NACAD: variants seen among roughly 807,000 people sequenced by gnomAD.
The protein encoded by NACAD is NAC-alpha domain-containing protein 1.
Under a neutral mutation model 98.9 loss-of-function variants are expected in NACAD, and 47 were observed. The observed-to-expected ratio is 0.48, with a 90% CI of 0.38 to 0.61. NACAD has a LOEUF of 0.61. NACAD is among the 20% of genes least tolerant of loss of function. NACAD has a pLI of 0.00. For missense variants in NACAD, 1,412 were observed against 1,748.2 expected (o/e 0.81, Z 3.43); for synonymous variants, 696 against 767.2 (o/e 0.91, Z 1.53).
At position 45,082,257 on chromosome 7, in the gene NACAD, G is replaced by A. The variant is rs1215803158; in HGVS notation, c.3923C>T (p.Pro1308Leu). 1 of 1,550,420 alleles carries A rather than the reference G, an allele frequency of 6.4e-7. No individual in the cohort carries two copies. The stretch of plus-strand genomic sequence containing the variant: ...TTTGGCATCCATGGAGGCCACCTTG[G>A]GGCTGAGGAGTGGGGAGTGAGGCGA... ...SLSPHSPLLS[P>L]KVASMDAKDL... Residue 1308 changes from proline (P) to leucine (L), a missense_variant, in exon 2 of 8, where the codon CCC becomes CTC. Pro to Leu is a moderately conservative substitution (Grantham distance 98). This residue lies in a region of NACAD where 572 missense variants were observed against 639.6 expected (regional missense o/e 0.89). Transcript: ENST00000490531. This position sits in a 1 kb window ranked among gnomAD's most constrained non-coding sequence, Gnocchi z 4.5.
At position 45,083,146 on chromosome 7, in the gene NACAD, G is replaced by A; in HGVS notation, c.3034C>T (p.Pro1012Ser). The A allele has an allele frequency of 1.9e-6, 3 of 1,550,868 alleles. No individual in the cohort carries two copies. Among genetic ancestry groups the A allele is most frequent in the Non-Finnish European group, 2.6e-6 (3 of 1,147,012 alleles). ...TCCGCATCTTCCTGTGCGGCCCAAG[G>A]TGTCCCAGCTTCTGCAGCTGGCTGT... ...DPQPAAEAGT[P>S]WAAQEDADST... The change falls in exon 2 of 8, where the codon CCT (proline) becomes TCT (serine). Residue 1012 changes from proline to serine, a missense_variant. Around this residue, in one of 5 missense-constraint regions of NACAD, gnomAD observed 572 missense variants for 639.6 expected, o/e 0.89. Coordinates refer to ENST00000490531, the MANE Select transcript of NACAD (RefSeq NM_001146334.2).
chr7:45,081,925 G>C (rs1230339076), intron 2 of NACAD, 58 bp from the exon 3 acceptor site: 3 of 1,499,812 alleles, frequency 2.0e-6, no homozygotes, highest in Non-Finnish European at 1.8e-6. Context: ...GGGGAAGGGG[G>C]TTCAGGACCC....
Position 45,085,305 on chromosome 7 carries a change from C to T in NACAD, c.875G>A (p.Gly292Asp). Residue 292 changes from glycine (G) to aspartate (D), a missense_variant, in exon 2 of 8, where the codon GGC (glycine) becomes GAC (aspartate). Gly to Asp is a moderately conservative substitution (Grantham distance 94). Coordinates refer to ENST00000490531, the MANE Select transcript of NACAD (RefSeq NM_001146334.2). The surrounding 1 kb of genome is among the most constrained non-coding windows in gnomAD (Gnocchi z 6.1). The stretch of plus-strand genomic sequence containing the variant: ...CAGGAAGTCCAGGTCGAAGAAGTGG[C>T]CCTCCTGGCCCCAGGAGGAGCTGCT... ...ADSSSSWGQE[G>D]HFFDLDFLAN... The T allele has an allele frequency of 1.3e-6, 2 of 1,551,134 alleles. No homozygotes were observed. Among genetic ancestry groups the T allele is most frequent in the Non-Finnish European group, 1.7e-6 (2 of 1,146,922 alleles).
chr7:45,081,078 C>A (rs1336581343), intron 5 of NACAD, 39 bp downstream of exon 5: 2 of 1,550,770 alleles, frequency 1.3e-6, no homozygotes, highest in Non-Finnish European at 1.7e-6. Flanking sequence ...TGTCCCCTAT[C>A]CCTCGGATCC....
In NACAD at chr7:45,083,430, G is replaced by A; in HGVS notation, c.2750C>T (p.Pro917Leu). The change falls in exon 2 of 8, where the codon CCC (proline) becomes CTC (leucine). Residue 917 changes from proline to leucine, a missense_variant. Around this residue, in one of 5 missense-constraint regions of NACAD, gnomAD observed 572 missense variants for 639.6 expected, o/e 0.89. Transcript: ENST00000490531. The stretch of plus-strand genomic sequence containing the variant: ...AGGTGCTGTCATAGCGGAGTCCTGG[G>A]GTAAGGTGAGGCCCTCTTCAGCCTG... ...SQQAEEGLTLPQDSAMTAPLP... is the reference protein window; with the variant it reads ...SQQAEEGLTLLQDSAMTAPLP... 2.6e-6 allele frequency: 4 copies of A among 1,548,504 alleles called. No homozygotes were observed. The highest frequency in any genetic ancestry group is 3.5e-6 in the Non-Finnish European group (4 of 1,146,346).
At position 45,082,146 on chromosome 7, in the gene NACAD, G is replaced by T. The variant is rs570388829; in HGVS notation, c.4034C>A (p.Ala1345Asp). The change falls in exon 2 of 8, where the codon GCC becomes GAC. Residue 1345 changes from alanine to aspartate, a missense_variant. By Grantham distance (126) the Ala-to-Asp change is moderately radical. Coordinates refer to ENST00000490531, the MANE Select transcript of NACAD (RefSeq NM_001146334.2). This position sits in a 1 kb window ranked among gnomAD's most constrained non-coding sequence, Gnocchi z 4.5. ...QSPAGPQGLS[A>D]PEQQEDEDSL... ...GTCCTCATCCTCTTGCTGCTCGGGG[G>T]CTGAGAGCCCTTGAGGGCCAGCTGG... 6.7e-7 allele frequency: 1 copy of T among 1,489,852 alleles called. No homozygotes were observed. 92.3% of individuals were successfully genotyped at this position (1,489,852 alleles called of 1,614,324 possible).
Position 45,083,141 on chromosome 7 carries a change from C to T in NACAD, c.3039G>A (p.Trp1013Ter). ...TGGAATCCGCATCTTCCTGTGCGGC[C>T]CAAGGTGTCCCAGCTTCTGCAGCTG... ...PQPAAEAGTP[W>*]AAQEDADSTL... The change falls in exon 2 of 8, where the codon TGG becomes TGA. Residue 1013 changes from tryptophan (W) to a stop codon, truncating the protein, a stop_gained. Transcript: ENST00000490531. LOFTEE classifies it high-confidence loss of function. 6.4e-7 allele frequency: 1 copy of T among 1,550,844 alleles called. No individual in the cohort carries two copies. Among genetic ancestry groups the T allele is most frequent in the East Asian group, 2.4e-5 (1 of 40,924 alleles).
Position 45,084,636 on chromosome 7 carries a change from G to A in NACAD, c.1544C>T (p.Ala515Val). The A allele has an allele frequency of 6.4e-7, 1 of 1,551,550 alleles. No homozygotes were observed. The highest frequency in any genetic ancestry group is 1.4e-5 in the African/African-American group (1 of 73,118). The change falls in exon 2 of 8, where the codon GCT becomes GTT. Residue 515 changes from alanine to valine, a missense_variant. Physicochemically the swap from Ala to Val is moderately conservative, Grantham distance 64 (BLOSUM62 0). Transcript: ENST00000490531. ...TGCCATGGCAGCAGATTCTTGTCCA[G>A]CGGTGGAGTCTGTTTCTTCCTCCCC... is the stretch of plus-strand genomic sequence containing the variant. Reference protein sequence around the residue: ...QAGEEETDSTAGQESAAMAMP... With the variant: ...QAGEEETDSTVGQESAAMAMP...
At position 45,080,939 on chromosome 7, in the gene NACAD, C is replaced by T; in HGVS notation, c.4488G>A (p.Glu1496=). 2 of 1,552,856 alleles carry T rather than the reference C, an allele frequency of 1.3e-6. No individual in the cohort carries two copies. Among genetic ancestry groups the T allele is most frequent in the Non-Finnish European group, 1.7e-6 (2 of 1,147,694 alleles). ...VPSEPSALVP[E]SAPRPRVRLE... is the part of the protein sequence containing the mutation. ...GCCTCACCCGGGGCCTGGGTGCTGACTCAGGGACCAAGGCTGAGGGCTCTG... is the reference window on the plus strand; with the variant it reads ...GCCTCACCCGGGGCCTGGGTGCTGATTCAGGGACCAAGGCTGAGGGCTCTG... Residue 1496 remains glutamate, a synonymous_variant, in exon 6 of 8, where the codon GAG becomes GAA. Transcript: ENST00000490531.
rs1185931157 is a variant in NACAD, at chr7:45,081,808, C to G, written c.4132G>C (p.Glu1378Gln). The change falls in exon 3 of 8, where the codon GAG becomes CAG. Residue 1378 changes from glutamate (E) to glutamine (Q), a missense_variant. Glu to Gln is a conservative substitution (Grantham distance 29, BLOSUM62 2). Around this residue, in one of 5 missense-constraint regions of NACAD, gnomAD observed 572 missense variants for 639.6 expected, o/e 0.89. Coordinates refer to ENST00000490531, the MANE Select transcript of NACAD (RefSeq NM_001146334.2). ...HSDSHGESSA[E>Q]LDEQDILAPQ... ...GCCAAGATGTCCTGCTCGTCCAGCT[C>G]GGCTGATGACTCCCCGTGGCTATCC... 6.5e-7 allele frequency: 1 copy of G among 1,550,322 alleles called. No homozygotes were observed. Among genetic ancestry groups the G allele is most frequent in the South Asian group, 1.2e-5 (1 of 84,054 alleles).
chr7:45,086,165 G>A (rs1226786939), intron 1 of NACAD, 53 bp from the exon 2 acceptor site: 1 of 1,516,380 alleles, frequency 6.6e-7, no homozygotes, highest in Non-Finnish European at 8.8e-7. Context: ...TCCCAGGCAA[G>A]GGCCAGGCCC....
Position 45,082,865 on chromosome 7 carries a change from A to T in NACAD, c.3315T>A (p.Asp1105Glu), listed in dbSNP as rs10243185. ...SALGGAREVPDAPPAACPEVS... is the reference protein window; with the variant it reads ...SALGGAREVPEAPPAACPEVS... ...CCTCAGGGCAGGCAGCAGGAGGCGC[A>T]TCGGGGACCTCCCTTGCACCTCCAA... The change falls in exon 2 of 8, where the codon GAT becomes GAA. Residue 1105 changes from aspartate to glutamate, a missense_variant. Coordinates refer to ENST00000490531, the MANE Select transcript of NACAD (RefSeq NM_001146334.2). This position sits in a 1 kb window ranked among gnomAD's most constrained non-coding sequence, Gnocchi z 4.5. 6.5e-7 allele frequency: 1 copy of T among 1,549,930 alleles called. No homozygotes were observed. Among genetic ancestry groups the T allele is most frequent in the African/African-American group, 1.4e-5 (1 of 72,958 alleles).
rs148300872 is a variant in NACAD at position 45,088,137 on chromosome 7, C to T, written c.67+691G>A. Among the ~76,000 whole-genome samples, 68 of 152,302 alleles carry T rather than the reference C, an allele frequency of 4.5e-4. No individual in the cohort carries two copies. Among genetic ancestry groups the T allele is most frequent in the Middle Eastern group, 3.4e-3 (1 of 294 alleles). On this transcript the variant is annotated intron_variant, in intron 1 of 7. Transcript: ENST00000490531. This position sits in a 1 kb window ranked among gnomAD's most constrained non-coding sequence, Gnocchi z 5.7. ...CCTACCCACACATGGCTGACCTCCA[C>T]GCCAGGACTGTCCAGGCTCGGCTCT... is the stretch of plus-strand genomic sequence containing the variant.
chr7:45,085,686 G>A lies in NACAD; in HGVS notation c.494C>T (p.Ser165Phe), dbSNP rs892028593. The change falls in exon 2 of 8, where the codon TCC becomes TTC. Residue 165 changes from serine to phenylalanine, a missense_variant. Transcript: ENST00000490531. The surrounding 1 kb of genome is among the most constrained non-coding windows in gnomAD (Gnocchi z 6.1). ...LCSQGDLSVPSPPPDPDSFFT... is the reference protein window; with the variant it reads ...LCSQGDLSVPFPPPDPDSFFT... ...GAAGGAATCAGGGTCTGGGGGAGGG[G>A]AAGGCACAGAAAGATCACCCTGAGA... The A allele has an allele frequency of 9.7e-6, 15 of 1,549,512 alleles. No homozygotes were observed. Among genetic ancestry groups the A allele is most frequent in the Admixed American group, 5.9e-5 (3 of 50,848 alleles).
Position 45,084,770 on chromosome 7 carries a change from T to G in NACAD, c.1410A>C (p.Glu470Asp). ...QRQELISEVTEEGLALGQEST... is the reference protein window; with the variant it reads ...QRQELISEVTDEGLALGQEST... ...ACTCCTGGCCTAAAGCAAGGCCCTC[T>G]TCTGTTACTTCTGAGATCAATTCCT... Residue 470 changes from glutamate (E) to aspartate (D), a missense_variant, in exon 2 of 8, where the codon GAA becomes GAC. Around this residue, in one of 5 missense-constraint regions of NACAD, gnomAD observed 638 missense variants for 722.7 expected, o/e 0.88. Transcript: ENST00000490531. The G allele has an allele frequency of 6.4e-7, 1 of 1,551,138 alleles. No individual in the cohort carries two copies. Among genetic ancestry groups the G allele is most frequent in the Non-Finnish European group, 8.7e-7 (1 of 1,146,948 alleles).
chr7:45,086,946 G>A (rs567270851), intron 1 of NACAD, among the ~76,000 whole-genome samples: 47 of 152,310 alleles, frequency 3.1e-4, no homozygotes, highest in African/African-American at 9.9e-4. Context: ...GTTCCTTCCC[G>A]GGTGCTGGGA....
In NACAD at chr7:45,086,184, G is replaced by A; in HGVS notation, c.68-72C>T. ...AGGCAAGGGCCAGGCCCGGGGAGAT[G>A]AATTCCGGCTGCATAGGGCCCAGAG... On this transcript the variant is annotated intron_variant, in intron 1 of 7. Transcript: ENST00000490531. The A allele has an allele frequency of 2.7e-6, 4 of 1,467,436 alleles. No homozygotes were observed. The South Asian group carries it at 3.8e-5, about 14-fold the overall frequency. 90.9% of individuals were successfully genotyped at this position (1,467,436 alleles called of 1,614,324 possible).
At chr7:45,087,832 T>C (rs1211186699) in intron 1 of NACAD, among the ~76,000 whole-genome samples, 1 of 152,220 alleles carries the variant, frequency 6.6e-6, no homozygotes, top group East Asian at 1.9e-4. Flanking sequence ...GCTGGGCTCT[T>C]GGTTCTGGCC....
At position 45,082,992 on chromosome 7, in the gene NACAD, C is replaced by A; in HGVS notation, c.3188G>T (p.Gly1063Val). The change falls in exon 2 of 8, where the codon GGG (glycine) becomes GTG (valine). Residue 1063 changes from glycine (G) to valine (V), a missense_variant. Physicochemically the swap from Gly to Val is moderately radical, Grantham distance 109 (BLOSUM62 -3). Transcript: ENST00000490531. This position sits in a 1 kb window ranked among gnomAD's most constrained non-coding sequence, Gnocchi z 4.5. ...CLEARAHTGD[G>V]AKPDSPQKET... ...CTTTTGGGGTGAGTCAGGCTTAGCC[C>A]CATCACCTGTGTGCGCTCGCGCTTC... The A allele has an allele frequency of 6.4e-7, 1 of 1,550,978 alleles. No individual in the cohort carries two copies. Among genetic ancestry groups the A allele is most frequent in the Non-Finnish European group, 8.7e-7 (1 of 1,147,006 alleles).
Sources: allele counts gnomAD v4.1 joint callset (sites outside exome capture counted in the v4.1 genomes callset), GRCh38; gene constraint gnomAD v4.1.1; regional missense constraint gnomAD v4.1.1; non-coding constraint Gnocchi (gnomAD v3.1); transcripts MANE v1.5; gene names NCBI Gene and HGNC (gene_info 2026-07-23, HGNC 2026-07-21).